TMEM266: variants seen among roughly 807,000 people sequenced by gnomAD.
TMEM266 encodes the protein transmembrane protein 266.
In TMEM266, 33 loss-of-function variants were observed where a neutral mutation model predicts 50.5. The observed-to-expected ratio is 0.65, with a 90% confidence interval of 0.50 to 0.87. TMEM266 has a LOEUF of 0.87. Ranked by LOEUF, TMEM266 falls within the 40% of genes least tolerant of loss-of-function variation. The pLI is 0.00. For synonymous variants in TMEM266, 310 were observed against 292.3 expected, an observed-to-expected ratio of 1.06 and a Z score of -0.62; for missense variants, 655 against 695.1, an observed-to-expected ratio of 0.94 and a Z score of 0.65.
chr15:76,073,786 T>G (rs996481226), intron 1 of TMEM266, among the ~76,000 whole-genome samples: 3 of 152,212 alleles, frequency 2.0e-5, no homozygotes, highest in Non-Finnish European at 4.4e-5. Flanking sequence ...GTATTCAGAA[T>G]TTTGCAAGAG....
At chr15:76,170,225 G>A (rs1400618345) in intron 6 of TMEM266, among the ~76,000 whole-genome samples, 1 of 152,242 alleles carries the variant, frequency 6.6e-6, no homozygotes. Context: ...TGCTTCTCAG[G>A]CTGGGTTTCC....
chr15:76,072,875 A>G (rs1337580039), intron 1 of TMEM266, among the ~76,000 whole-genome samples: 1 of 151,572 alleles, frequency 6.6e-6, no homozygotes, highest in East Asian at 2.0e-4. Flanking sequence ...TGACCTTGTG[A>G]TCCACCTGCC....
At chr15:76,071,333 T>C (rs1212696168) in intron 1 of TMEM266, among the ~76,000 whole-genome samples, 1 of 152,104 alleles carries the variant, frequency 6.6e-6, no homozygotes, top group Non-Finnish European at 1.5e-5. Context: ...CCCCACAAGA[T>C]CTATAGACAG....
At chr15:76,176,295 C>T (rs573685152) in intron 8 of TMEM266, 1 of 153,954 alleles carries the variant, frequency 6.5e-6, no homozygotes, top group East Asian at 1.9e-4. Context: ...GGCCACCCCT[C>T]TGCCCTCAGT....
At chr15:76,195,851 C>A (rs776951140) in intron 9 of TMEM266, among the ~76,000 whole-genome samples, 11 of 152,242 alleles carry the variant, frequency 7.2e-5, no homozygotes, top group Non-Finnish European at 1.2e-4. Context: ...GAGCCAAGAT[C>A]TGGGCTTGGA....
chr15:76,151,557 T>C lies in TMEM266; in HGVS notation c.228-5047T>C, dbSNP rs181729144. Among the ~76,000 whole-genome samples, 498 of 152,078 alleles carry C rather than the reference T, an allele frequency of 3.3e-3. 1 individual carries two copies. The highest frequency in any genetic ancestry group is 0.011 in the African/African-American group (468 of 41,484). The stretch of plus-strand genomic sequence containing the variant: ...GCTCTTCAGGAAGGAGCCCAGAACC[T>C]ACCTGAACACTCTTGCCCCACCCCA... On this transcript the variant is annotated intron_variant, in intron 3 of 10. Coordinates refer to ENST00000388942, the MANE Select transcript of TMEM266 (RefSeq NM_152335.3).
chr15:76,150,968 G>A (rs2037832819), intron 3 of TMEM266, among the ~76,000 whole-genome samples: 1 of 152,128 alleles, frequency 6.6e-6, no homozygotes, highest in African/African-American at 2.4e-5. Flanking sequence ...GGATTTCTCT[G>A]AGGCCTCAAG....
intron 5 of TMEM266, among the ~76,000 whole-genome samples, chr15:76,165,608 G>A (rs2038082149): frequency 6.6e-6 from 1 of 152,190 alleles, no homozygotes; most frequent in Admixed American, 6.5e-5. Flanking sequence ...GCAAGGCCAC[G>A]GCCCTGGGGC....
intron 1 of TMEM266, among the ~76,000 whole-genome samples, chr15:76,064,299 A>G (rs2036368871): frequency 6.6e-6 from 1 of 152,200 alleles, no homozygotes; most frequent in South Asian, 2.1e-4. Context: ...CCAGGGTCTG[A>G]GAGTTCACTG....
intron 7 of TMEM266, among the ~76,000 whole-genome samples, chr15:76,173,842 A>C (rs924069212): frequency 2.0e-5 from 3 of 151,616 alleles, no homozygotes; most frequent in African/African-American, 7.3e-5. Context: ...CTGAGGCATG[A>C]GAATCGCTTG....
At chr15:76,072,395 G>A (rs924928233) in intron 1 of TMEM266, among the ~76,000 whole-genome samples, 8 of 144,378 alleles carry the variant, frequency 5.5e-5, no homozygotes, top group Admixed American at 5.2e-4. Context: ...CCGAGATTGC[G>A]CCATTGCACT....
chr15:76,065,732 T>TA (rs1454131134), intron 1 of TMEM266, among the ~76,000 whole-genome samples: 5 of 152,120 alleles, frequency 3.3e-5, no homozygotes, highest in African/African-American at 4.8e-5. Context: ...TATTTTTTTT[T>TA]ATCATATAAC....
intron 8 of TMEM266, among the ~76,000 whole-genome samples, chr15:76,189,194 AAAAG>A (rs977670634): frequency 4.2e-4 from 64 of 152,084 alleles, no homozygotes; most frequent in African/African-American, 1.4e-3. Flanking sequence ...CTTGTCTCAG[AAAAG>A]AAAGAAAGAA....
intron 7 of TMEM266, 76 bp downstream of exon 7, chr15:76,171,207 G>T: frequency 1.3e-6 from 2 of 1,563,442 alleles, no homozygotes; most frequent in Non-Finnish European, 1.7e-6. Flanking sequence ...GAGATGCCGT[G>T]TGATGGGGGT....
At chr15:76,097,075 A>G (rs1173102158) in intron 1 of TMEM266, among the ~76,000 whole-genome samples, 1 of 151,714 alleles carries the variant, frequency 6.6e-6, no homozygotes, top group Non-Finnish European at 1.5e-5. Context: ...CCAATTTGCC[A>G]GTCTGTGTCT....
intron 3 of TMEM266, among the ~76,000 whole-genome samples, chr15:76,146,910 C>T (rs1189925193): frequency 6.6e-6 from 1 of 152,224 alleles, no homozygotes; most frequent in African/African-American, 2.4e-5. Flanking sequence ...ACAAGTCGGT[C>T]TCCAGTACCG....
At chr15:76,150,184 G>T (rs1040598239) in intron 3 of TMEM266, among the ~76,000 whole-genome samples, 3 of 152,160 alleles carry the variant, frequency 2.0e-5, no homozygotes, top group South Asian at 4.1e-4. Context: ...TTGTGCATTT[G>T]GGGGGTGTAA....
At chr15:76,127,367 C>T (rs959231204) in intron 1 of TMEM266, among the ~76,000 whole-genome samples, 1 of 150,368 alleles carries the variant, frequency 6.7e-6, no homozygotes, top group Non-Finnish European at 1.5e-5. Flanking sequence ...TGGTCTGTTG[C>T]CCAGGCTGGA....
chr15:76,175,955 T>G (rs2038270519), intron 8 of TMEM266: 1 of 306,842 alleles, frequency 3.3e-6, no homozygotes, highest in Admixed American at 4.8e-5. Context: ...GTCTGCCAAG[T>G]CGCCCCCTCA....
Sources: allele counts gnomAD v4.1 joint callset (sites outside exome capture counted in the v4.1 genomes callset), GRCh38; gene constraint gnomAD v4.1.1; transcripts MANE v1.5; gene names NCBI Gene and HGNC (gene_info 2026-07-23, HGNC 2026-07-21).